HEATR3: variants seen among roughly 807,000 people sequenced by gnomAD.
The protein encoded by HEATR3 is HEAT repeat-containing protein 3.
HEATR3 carries 56 observed loss-of-function variants against 72.8 expected under a neutral mutation model. That is an observed-to-expected ratio of 0.77 (90% confidence interval 0.62 to 0.96). The LOEUF is 0.96. HEATR3 is among the 40% of genes least tolerant of loss of function. The pLI is 0.00. For synonymous variants in HEATR3, 331 were observed against 318.1 expected (o/e 1.04, Z -0.43); for missense variants, 747 against 831.4 (o/e 0.90, Z 1.25).
In HEATR3 at chr16:50,083,944, A is replaced by G. The variant is rs1758679948; in HGVS notation, c.1049A>G (p.Asp350Gly). Residue 350 changes from aspartate to glycine, a missense_variant, in exon 8 of 15, where the codon GAC becomes GGC. This residue lies in a region of HEATR3 where 586 missense variants were observed against 708.8 expected (regional missense o/e 0.83). Transcript: ENST00000299192. ...TFVSDLLPPTDKELRETIALL... is the reference protein window; with the variant it reads ...TFVSDLLPPTGKELRETIALL... ...TTTTTTTTTTTTTTTAAGCCCACTGACAAGGAACTGAGAGAGACTATAGCA... is the reference window on the plus strand; with the variant it reads ...TTTTTTTTTTTTTTTAAGCCCACTGGCAAGGAACTGAGAGAGACTATAGCA... 1 of 1,605,636 alleles carries G rather than the reference A, an allele frequency of 6.2e-7. No homozygotes were observed. Among genetic ancestry groups the G allele is most frequent in the African/African-American group, 1.4e-5 (1 of 73,896 alleles).
intron 4 of HEATR3, 36 bp downstream of exon 4, chr16:50,070,326 C>A: frequency 9.5e-7 from 1 of 1,054,626 alleles, no homozygotes; most frequent in African/African-American, 1.6e-5. Flanking sequence ...CCTGCTATAG[C>A]AGTACCCAGG....
intron 14 of HEATR3, among the ~76,000 whole-genome samples, chr16:50,103,084 G>A (rs967802370): frequency 3.9e-5 from 6 of 152,092 alleles, no homozygotes; most frequent in African/African-American, 1.4e-4. Flanking sequence ...AAAGGTTACA[G>A]TCCTTTAAAT....
chr16:50,066,805 A>G (rs886988301), intron 2 of HEATR3: 3 of 366,492 alleles, frequency 8.2e-6, no homozygotes, highest in Non-Finnish European at 1.5e-5. Flanking sequence ...ACACTCTCCA[A>G]AAGCCCTCCT....
rs757758961 is a variant in HEATR3 at position 50,066,381 on chromosome 16, C to G, written c.153C>G (p.Ser51Arg). ...AELLEKLQHP[S>R]AEVRECACAG... Reference sequence around the variant, plus strand: ...CTCATCCGCAGCTCCAGCACCCGAGCGCCGAGGTCCGCGAGTGCGCCTGCG... The same window carrying G: ...CTCATCCGCAGCTCCAGCACCCGAGGGCCGAGGTCCGCGAGTGCGCCTGCG... The change falls in exon 2 of 15, where the codon AGC becomes AGG. Residue 51 changes from serine (S) to arginine (R), a missense_variant. Ser to Arg is a moderately radical substitution (Grantham distance 110). Coordinates refer to ENST00000299192, the MANE Select transcript of HEATR3 (RefSeq NM_182922.4). 4.8e-5 allele frequency: 75 copies of G among 1,547,892 alleles called. No homozygotes were observed. In the South Asian group the frequency reaches 7.4e-4, roughly 15 times the overall value.
chr16:50,097,218 G>T (rs2037259449), intron 12 of HEATR3, among the ~76,000 whole-genome samples: 1 of 151,750 alleles, frequency 6.6e-6, no homozygotes, highest in Admixed American at 6.6e-5. Flanking sequence ...TAATTAGTGG[G>T]TTCACATAAT....
In HEATR3 at chr16:50,083,395, C is replaced by CTTTATTATA. The variant is rs534206373; in HGVS notation, c.1042-541_1042-533dup. On this transcript the variant is annotated intron_variant, in intron 7 of 14. Transcript: ENST00000299192. ...TTCTTTCTTTAGTCTTAGAGAAATG[C>CTTTATTATA]TTTATTATAGTCTTTACAGAAAGGC... 4.1e-4 allele frequency among the ~76,000 whole-genome samples: 62 copies of CTTTATTATA among 152,156 alleles called. 2 individuals are homozygous for CTTTATTATA. In the South Asian group the frequency reaches 0.012, roughly 31 times the overall value.
chr16:50,091,665 G>C (rs543483725), intron 11 of HEATR3, among the ~76,000 whole-genome samples: 1 of 151,952 alleles, frequency 6.6e-6, no homozygotes, highest in South Asian at 2.1e-4. Context: ...ATGAGGTCAG[G>C]AGATTGAGAC....
Position 50,066,180 on chromosome 16 carries a change from A to G in HEATR3, c.49A>G (p.Thr17Ala), listed in dbSNP as rs940474435. 19 of 1,593,008 alleles carry G rather than the reference A, an allele frequency of 1.2e-5. No homozygotes were observed. The highest frequency in any genetic ancestry group is 4.1e-5 in the African/African-American group (3 of 73,566). Residue 17 changes from threonine to alanine, a missense_variant, in exon 1 of 15, where the codon ACG becomes GCG. By Grantham distance (58) the Thr-to-Ala change is moderately conservative. This residue lies in a region of HEATR3 where 161 missense variants were observed against 122.6 expected (regional missense o/e 1.31). Coordinates refer to ENST00000299192, the MANE Select transcript of HEATR3 (RefSeq NM_182922.4). The stretch of plus-strand genomic sequence containing the variant: ...CTTCAAGCGACCTCAGTTCTCCCCT[A>G]CGGGCGACTGTCAGGCCGAGGCGGC... ...KRFKRPQFSP[T>A]GDCQAEAAAA...
Position 50,078,891 on chromosome 16 carries a change from C to T in HEATR3, c.914C>T (p.Thr305Ile), listed in dbSNP as rs373278772. ...MKEAETQRLKTAAEAEEILEN... is the reference protein window; with the variant it reads ...MKEAETQRLKIAAEAEEILEN... ...GAGGCTGAAACGCAAAGGTTAAAAA[C>T]TGCTGCAGAGGCTGAGGAAATATTA... The change falls in exon 7 of 15, where the codon ACT (threonine) becomes ATT (isoleucine). Residue 305 changes from threonine to isoleucine, a missense_variant. Physicochemically the swap from Thr to Ile is moderately conservative, Grantham distance 89. Coordinates refer to ENST00000299192, the MANE Select transcript of HEATR3 (RefSeq NM_182922.4). 8.9e-5 allele frequency: 143 copies of T among 1,613,988 alleles called. No individual in the cohort carries two copies. Among genetic ancestry groups the T allele is most frequent in the Non-Finnish European group, 1.2e-4 (138 of 1,180,028 alleles).
chr16:50,085,214 A>T lies in HEATR3; in HGVS notation c.1373+563A>T, dbSNP rs113453084. On this transcript the variant is annotated intron_variant, in intron 10 of 14. Transcript: ENST00000299192. ...ATATGGAAGAGATACAGGGGCTTTC[A>T]GGGTCCAGCAGTGTTAATTTCTTTC... Among the ~76,000 whole-genome samples the T allele has an allele frequency of 5.8e-3, 888 of 152,266 alleles. 6 individuals are homozygous for T. The highest frequency in any genetic ancestry group is 0.02 in the African/African-American group (846 of 41,550).
At chr16:50,081,375 G>T (rs538503802) in intron 7 of HEATR3, among the ~76,000 whole-genome samples, 1 of 152,312 alleles carries the variant, frequency 6.6e-6, no homozygotes, top group South Asian at 2.1e-4. Context: ...AATCTGGGAG[G>T]TGGAGGTTGC....
In HEATR3 at chr16:50,084,688, A is replaced by T. The variant is rs765817157; in HGVS notation, c.1373+37A>T. 2.8e-5 allele frequency: 41 copies of T among 1,446,110 alleles called. No individual in the cohort carries two copies. The African/African-American group carries it at 5.8e-4, about 20-fold the overall frequency. 89.6% of individuals were successfully genotyped at this position (1,446,110 alleles called of 1,614,324 possible). ...TCTGCTTTCAAAAACATTTGTCATT[A>T]TTTTATTTTATGAAATGATGGGCTA... is the stretch of plus-strand genomic sequence containing the variant. On this transcript the variant is annotated intron_variant, in intron 10 of 14. Transcript: ENST00000299192.
chr16:50,092,401 AC>A (rs2037133109), intron 11 of HEATR3, among the ~76,000 whole-genome samples: 1 of 148,712 alleles, frequency 6.7e-6, no homozygotes, highest in Non-Finnish European at 1.5e-5. Context: ...AGGTTAAGGA[AC>A]CTCTTCCAGG....
rs1373937973 is a variant in HEATR3 at position 50,106,604 on chromosome 16, C to T, written c.*1543C>T. ...GGCTCGAGGGAGTTTCCCTGTGCAT[C>T]ATTGTCTCGGCTGGGCCTCTGAACC... On this transcript the variant is annotated 3_prime_UTR_variant, in exon 15 of 15. Coordinates refer to ENST00000299192, the MANE Select transcript of HEATR3 (RefSeq NM_182922.4). 1 of 152,130 alleles carries T rather than the reference C, an allele frequency of 6.6e-6. No homozygotes were observed. The highest frequency in any genetic ancestry group is 2.4e-5 in the African/African-American group (1 of 41,430). 9.4% of individuals were successfully genotyped at this position (152,130 alleles called of 1,614,324 possible).
intron 14 of HEATR3, among the ~76,000 whole-genome samples, chr16:50,104,517 T>C (rs985537349): frequency 8.5e-5 from 13 of 152,120 alleles, no homozygotes; most frequent in Non-Finnish European, 1.5e-4. Context: ...GGCATGAGTA[T>C]GCACCCAGCC....
Position 50,066,256 on chromosome 16 carries a change from A to G in HEATR3, c.125A>G (p.Glu42Gly), listed in dbSNP as rs374702531. ...GGEEDDGPAA[E>G]LLEKLQHPSA... is the part of the protein sequence containing the mutation. ...GAGGAGGACGACGGGCCGGCGGCGGAGCTGCTGGAAAAGGTGAGGCGAGGG... is the reference window on the plus strand; with the variant it reads ...GAGGAGGACGACGGGCCGGCGGCGGGGCTGCTGGAAAAGGTGAGGCGAGGG... The change falls in exon 1 of 15, where the codon GAG becomes GGG. Residue 42 changes from glutamate (E) to glycine (G), a missense_variant. By Grantham distance (98) the Glu-to-Gly change is moderately conservative. Transcript: ENST00000299192. 1.3e-6 allele frequency: 2 copies of G among 1,564,514 alleles called. No individual in the cohort carries two copies. Among genetic ancestry groups the G allele is most frequent in the Middle Eastern group, 1.7e-4 (1 of 5,898 alleles).
chr16:50,071,613 T>G (rs2036613015), intron 4 of HEATR3, among the ~76,000 whole-genome samples: 1 of 152,266 alleles, frequency 6.6e-6, no homozygotes, highest in Non-Finnish European at 1.5e-5. Flanking sequence ...ATCATTTATA[T>G]TTCAAATTAT....
intron 5 of HEATR3, chr16:50,074,683 C>T (rs986250257): frequency 5.9e-5 from 9 of 151,606 alleles, no homozygotes; most frequent in African/African-American, 2.2e-4. Flanking sequence ...GACATTGCCG[C>T]ATTTAAGAGT....
At chr16:50,096,656 G>A (rs1470895167) in intron 12 of HEATR3, among the ~76,000 whole-genome samples, 3 of 152,034 alleles carry the variant, frequency 2.0e-5, no homozygotes, top group Non-Finnish European at 2.9e-5. Flanking sequence ...AAAATCAGCC[G>A]GGCATGGTGG....
Sources: gnomAD v4.1 joint callset for allele counts (sites outside exome capture counted in the v4.1 genomes callset) on GRCh38, gnomAD v4.1.1 for gene constraint, gnomAD v4.1.1 regional missense constraint, MANE v1.5 for transcripts, NCBI Gene and HGNC (gene_info 2026-07-23, HGNC 2026-07-21) for gene names.